The following SLC25A51 variants were observed in gnomAD, a reference collection of about 807,000 sequenced individuals.
SLC25A51 encodes the protein solute carrier family 25 member 51, also known as mitochondrial nicotinamide adenine dinucleotide transporter SLC25A51.
In SLC25A51, 11 loss-of-function variants were observed where a neutral mutation model predicts 19.1. The ratio of observed to expected loss-of-function variants is 0.58; its 90% confidence interval spans 0.36 to 0.96. SLC25A51 has a LOEUF of 0.96. Ranked by LOEUF, SLC25A51 falls within the 40% of genes least tolerant of loss-of-function variation. The pLI is 0.01. For missense variants in SLC25A51, 201 were observed against 365.4 expected (o/e 0.55, Z 3.67); for synonymous variants, 105 against 133.6 (o/e 0.79, Z 1.47).
At chr9:37,901,405 T>C (rs1831845932) in intron 1 of SLC25A51, among the ~76,000 whole-genome samples, 1 of 151,902 alleles carries the variant, frequency 6.6e-6, no homozygotes, top group Non-Finnish European at 1.5e-5. Flanking sequence ...TGAGCTCAAG[T>C]GATCCAGCCT....
downstream of SLC25A51, chr9:37,886,057 T>C: frequency 6.2e-7 from 1 of 1,609,840 alleles, no homozygotes; most frequent in South Asian, 1.1e-5. Flanking sequence ...AGTACAACTG[T>C]ACAGGGCTAA....
At position 37,887,715 on chromosome 9, in the gene SLC25A51, G is replaced by T. The variant is rs752469159; in HGVS notation, c.836C>A (p.Ser279Tyr). The T allele has an allele frequency of 6.2e-7, 1 of 1,613,810 alleles. No individual in the cohort carries two copies. The highest frequency in any genetic ancestry group is 8.5e-7 in the Non-Finnish European group (1 of 1,179,826). ...FRGAHLNYHRSLISWGIINAT... is the reference protein window; with the variant it reads ...FRGAHLNYHRYLISWGIINAT... ...ATTGATTATGCCCCAAGAGATGAGG[G>T]ACCGATGGTAATTCAGATGGGCACC... Residue 279 changes from serine to tyrosine, a missense_variant, in exon 3 of 3, where the codon TCC becomes TAC. Ser to Tyr is a moderately radical substitution (Grantham distance 144). Transcript: ENST00000242275.
intron 2 of SLC25A51, among the ~76,000 whole-genome samples, chr9:37,893,296 A>T (rs2118342959): frequency 6.6e-6 from 1 of 152,350 alleles, no homozygotes; most frequent in African/African-American, 2.4e-5. Context: ...AAATGTAGAC[A>T]TCTGTACAAT....
chr9:37,886,049 T>C (rs1344460256), downstream of SLC25A51: 1 of 1,611,122 alleles, frequency 6.2e-7, no homozygotes, highest in Non-Finnish European at 8.5e-7. Flanking sequence ...CTCCCTTAAG[T>C]ACAACTGTAC....
intron 1 of SLC25A51, among the ~76,000 whole-genome samples, chr9:37,900,340 C>A (rs912879269): frequency 2.6e-5 from 4 of 151,690 alleles, no homozygotes; most frequent in African/African-American, 9.7e-5. Context: ...TCCCAGCTAC[C>A]TGGGAGGCTG....
intron 2 of SLC25A51, among the ~76,000 whole-genome samples, chr9:37,891,848 T>TAAA (rs5897703): frequency 1.3e-4 from 11 of 87,712 alleles, no homozygotes; most frequent in African/African-American, 3.6e-4. Flanking sequence ...CCAAGAATGA[T>TAAA]AAAAAAAAAA....
At chr9:37,885,334 G>A (rs1024377159), downstream of SLC25A51, among the ~76,000 whole-genome samples, 6 of 115,598 alleles carry the variant, frequency 5.2e-5, no homozygotes, top group Admixed American at 1.0e-4. Context: ...AAAGCTCTTA[G>A]GTAATGATAA....
intron 2 of SLC25A51, among the ~76,000 whole-genome samples, chr9:37,892,201 G>A (rs1250387609): frequency 6.6e-6 from 1 of 152,224 alleles, no homozygotes; most frequent in Admixed American, 6.5e-5. Flanking sequence ...TGAAATCATG[G>A]AAGGTATCAA....
At chr9:37,896,798 A>T (rs1347060207) in intron 2 of SLC25A51, among the ~76,000 whole-genome samples, 2 of 152,220 alleles carry the variant, frequency 1.3e-5, no homozygotes, top group Non-Finnish European at 2.9e-5. Flanking sequence ...CTCTGTCTCA[A>T]TAAATAAATA....
intron 1 of SLC25A51, among the ~76,000 whole-genome samples, chr9:37,900,188 T>C (rs1368561387): frequency 6.6e-6 from 1 of 151,544 alleles, no homozygotes; most frequent in Admixed American, 6.6e-5. Flanking sequence ...GGCTCACGCC[T>C]GTAATCCCAT....
chr9:37,881,845 G>A (rs1394668330), intron 2 of SLC25A51, among the ~76,000 whole-genome samples: 1 of 152,070 alleles, frequency 6.6e-6, no homozygotes, highest in Non-Finnish European at 1.5e-5. Context: ...AAAAAGGAAC[G>A]TGCCAGTAAC....
intron 2 of SLC25A51, among the ~76,000 whole-genome samples, chr9:37,894,329 CTTT>C (rs545485331): frequency 7.0e-6 from 1 of 141,920 alleles, no homozygotes; most frequent in Admixed American, 7.1e-5. Flanking sequence ...TTTTTTTTAA[CTTT>C]TTTTTTTTTT....
downstream of SLC25A51, among the ~76,000 whole-genome samples, chr9:37,886,839 C>A (rs948279845): frequency 6.6e-6 from 1 of 152,186 alleles, no homozygotes; most frequent in Non-Finnish European, 1.5e-5. Context: ...CTTCCTTAAG[C>A]CCTTCTGGCT....
chr9:37,879,131 T>C, downstream of SLC25A51: 1 of 354,128 alleles, frequency 2.8e-6, no homozygotes, highest in Non-Finnish European at 5.7e-6. Flanking sequence ...TTGAGTAACA[T>C]CTGCACATAA....
At chr9:37,899,424 C>G (rs1458281827) in intron 2 of SLC25A51, among the ~76,000 whole-genome samples, 1 of 152,026 alleles carries the variant, frequency 6.6e-6, no homozygotes, top group Non-Finnish European at 1.5e-5. Flanking sequence ...CTCTGTCACC[C>G]AGGCTGGAGT....
At chr9:37,886,204 T>C, downstream of SLC25A51, 1 of 1,557,930 alleles carries the variant, frequency 6.4e-7, no homozygotes, top group Non-Finnish European at 8.9e-7. Flanking sequence ...AGCCACAGAC[T>C]GACAAGAAAG....
chr9:37,885,980 G>A, downstream of SLC25A51: 1 of 1,613,808 alleles, frequency 6.2e-7, no homozygotes, highest in Non-Finnish European at 8.5e-7. Flanking sequence ...TTGGATTGTG[G>A]AGTTCTTTGC....
At chr9:37,885,885 C>CA (rs1831444737), downstream of SLC25A51, 1 of 1,598,432 alleles carries the variant, frequency 6.3e-7, no homozygotes. Flanking sequence ...CAAACCCCCC[C>CA]CTCCCCATAT....
downstream of SLC25A51, chr9:37,879,122 T>A: frequency 2.8e-6 from 1 of 360,156 alleles, no homozygotes. Context: ...ATGTAGACTT[T>A]GAGTAACATC....
Sources: gnomAD v4.1 joint callset for allele counts (sites outside exome capture counted in the v4.1 genomes callset) on GRCh38, gnomAD v4.1.1 for gene constraint, MANE v1.5 for transcripts, NCBI Gene and HGNC (gene_info 2026-07-23, HGNC 2026-07-21) for gene names.